DDX60: variants seen among roughly 807,000 people sequenced by gnomAD.
DDX60 encodes the protein probable ATP-dependent RNA helicase DDX60.
In DDX60, 165 loss-of-function variants were observed where a neutral mutation model predicts 212.8. That is an observed-to-expected ratio of 0.78 (90% CI 0.68 to 0.88). The LOEUF (loss-of-function observed/expected upper bound fraction) is 0.88. Among genes scored for constraint, DDX60 ranks in the 40% least tolerant of loss-of-function variants. The probability of loss-of-function intolerance (pLI) is 0.00; values close to 1 mark genes in which losing one functional copy is unlikely to be tolerated. For missense variants in DDX60, 1,905 were observed against 2,003.9 expected, an observed-to-expected ratio of 0.95 and a Z score of 0.94; for synonymous variants, 703 against 685.3, an observed-to-expected ratio of 1.03 and a Z score of -0.40.
chr4:168,263,557 T>C (rs1414901909), intron 22 of DDX60: 1 of 152,150 alleles, frequency 6.6e-6, no homozygotes, highest in African/African-American at 2.4e-5. Flanking sequence ...AATGTGATGG[T>C]ATCTGGAGGC....
chr4:168,304,022 T>C (rs114959529), intron 5 of DDX60, among the ~76,000 whole-genome samples: 1,765 of 152,296 alleles, frequency 0.012, 29 homozygotes, highest in African/African-American at 0.04. Flanking sequence ...TATACAATTA[T>C]GTACAGTATA....
rs1310157241 is a variant in DDX60, at chr4:168,302,519, T to C, written c.607-103A>G. On this transcript the variant is annotated intron_variant, in intron 5 of 37. Coordinates refer to ENST00000393743, the MANE Select transcript of DDX60 (RefSeq NM_017631.6). ...TTTTAGATATAATTATGTTACGATATATTTCTAAGGAAAAAAATATGCCAA... is the reference window on the plus strand; with the variant it reads ...TTTTAGATATAATTATGTTACGATACATTTCTAAGGAAAAAAATATGCCAA... 5 of 508,538 alleles carry C rather than the reference T, an allele frequency of 9.8e-6. No homozygotes were observed. In the Admixed American group the frequency reaches 1.3e-4, roughly 13 times the overall value. 31.5% of individuals were successfully genotyped at this position (508,538 alleles called of 1,614,324 possible).
Position 168,293,978 on chromosome 4 carries a change from T to A in DDX60, c.724-33A>T, listed in dbSNP as rs962687681. 3.2e-6 allele frequency: 5 copies of A among 1,580,504 alleles called. No individual in the cohort carries two copies. The African/African-American group carries it at 6.8e-5, about 22-fold the overall frequency. On this transcript the variant is annotated intron_variant, in intron 6 of 37. Coordinates refer to ENST00000393743, the MANE Select transcript of DDX60 (RefSeq NM_017631.6). ...AGAAAAAAATTGTAATGTGTCATGC[T>A]ATTTAGAAAAATATTTTTATTTGTA...
intron 12 of DDX60, 134 bp downstream of exon 12, chr4:168,284,686 C>T: frequency 2.1e-6 from 1 of 475,012 alleles, no homozygotes; most frequent in Non-Finnish European, 3.8e-6. Context: ...TTTCCCAATG[C>T]ACATCTAAAT....
intron 33 of DDX60, 109 bp from the exon 34 acceptor site, chr4:168,225,785 T>A (rs917320121): frequency 2.1e-6 from 2 of 930,308 alleles, no homozygotes; most frequent in African/African-American, 3.5e-5. Flanking sequence ...TATAGTTATC[T>A]ATTAATATTT....
intron 22 of DDX60, among the ~76,000 whole-genome samples, chr4:168,264,182 T>C (rs1298051275): frequency 6.6e-6 from 1 of 152,182 alleles, no homozygotes; most frequent in African/African-American, 2.4e-5. Context: ...TAAATGCTAG[T>C]TCCTCATCCA....
Position 168,306,461 on chromosome 4 carries a change from G to C in DDX60, c.524C>G (p.Ser175Cys). The change falls in exon 5 of 38, where the codon TCC (serine) becomes TGC (cysteine). Residue 175 changes from serine to cysteine, a missense_variant. By Grantham distance (112) the Ser-to-Cys change is moderately radical (BLOSUM62 -1). Coordinates refer to ENST00000393743, the MANE Select transcript of DDX60 (RefSeq NM_017631.6). ...SWARKVNVVL[S>C]SGQESDVLCL... Reference sequence around the variant, plus strand: ...AAGAACATCAGATTCTTGCCCTGAGGAAAGTACAACGTTGACCTTCCTTGC... The same window carrying C: ...AAGAACATCAGATTCTTGCCCTGAGCAAAGTACAACGTTGACCTTCCTTGC... 1 of 1,614,122 alleles carries C rather than the reference G, an allele frequency of 6.2e-7. No individual in the cohort carries two copies. The highest frequency in any genetic ancestry group is 8.5e-7 in the Non-Finnish European group (1 of 1,179,996).
At position 168,280,600 on chromosome 4, in the gene DDX60, AGG is replaced by A. The variant is rs1579043233; in HGVS notation, c.1723-12_1723-11del. On this transcript the variant is annotated splice_polypyrimidine_tract_variant and intron_variant, in intron 13 of 37. Coordinates refer to ENST00000393743, the MANE Select transcript of DDX60 (RefSeq NM_017631.6). ...TTTCAGCCTTGGTCTCCTGCCCCAA[AGG>A]AAAAAACATCTCTTAAGACAAGTTG... The A allele has an allele frequency of 6.3e-7, 1 of 1,597,140 alleles. No homozygotes were observed. The highest frequency in any genetic ancestry group is 1.8e-5 in the Admixed American group (1 of 56,412).
chr4:168,241,912 G>A (rs1044786672), intron 30 of DDX60, among the ~76,000 whole-genome samples: 9 of 151,728 alleles, frequency 5.9e-5, no homozygotes, highest in African/African-American at 2.2e-4. Flanking sequence ...AGAGATTTAG[G>A]AAAAAAAACT....
At chr4:168,276,978 T>C (rs1735368960) in intron 14 of DDX60, among the ~76,000 whole-genome samples, 1 of 152,126 alleles carries the variant, frequency 6.6e-6, no homozygotes, top group Admixed American at 6.5e-5. Flanking sequence ...GGTCAGGGTG[T>C]TGGAGAGAAC....
chr4:168,276,084 C>T lies in DDX60; in HGVS notation c.2076G>A (p.Arg692=). Residue 692 remains arginine (R), a synonymous_variant, in exon 15 of 38, where the codon CGG becomes CGA. Coordinates refer to ENST00000393743, the MANE Select transcript of DDX60 (RefSeq NM_017631.6). ...KYSELLQEDD[R]QLIARCLKYL... ...ACTTAAGGCATCTGGCTATGAGTTG[C>T]CGATCATCTTCTTGTAAAAGTTCTG... 1.9e-6 allele frequency: 3 copies of T among 1,613,694 alleles called. No individual in the cohort carries two copies. Among genetic ancestry groups the T allele is most frequent in the Non-Finnish European group, 8.5e-7 (1 of 1,179,784 alleles).
intron 37 of DDX60, among the ~76,000 whole-genome samples, chr4:168,219,828 G>A (rs1732986650): frequency 1.3e-5 from 2 of 152,052 alleles, no homozygotes; most frequent in African/African-American, 2.4e-5. Context: ...CCTGAGGTCA[G>A]GAGTTCGAGA....
intron 7 of DDX60, 149 bp downstream of exon 7, chr4:168,293,638 T>C (rs1736209781): frequency 1.4e-6 from 1 of 694,450 alleles, no homozygotes; most frequent in African/African-American, 1.8e-5. Flanking sequence ...TGTTTCCTGA[T>C]AGACACAAAT....
rs189851458 is a variant in DDX60, at chr4:168,222,009, G to A, written c.4825-128C>T. 3.0e-3 allele frequency: 2,994 copies of A among 989,326 alleles called. 9 individuals carry two copies. Among genetic ancestry groups the A allele is most frequent in the Non-Finnish European group, 3.8e-3 (2,626 of 689,508 alleles). 61.3% of individuals were successfully genotyped at this position (989,326 alleles called of 1,614,324 possible). On this transcript the variant is annotated intron_variant, in intron 35 of 37. Transcript: ENST00000393743. ...AAGCCCACTCTTCACTGTGAAGTAA[G>A]AGGGTGCCTTAGCCACACATTGTGG...
chr4:168,286,423 GAGATAGATAGAT>G lies in DDX60; in HGVS notation c.1339+613_1339+624del, dbSNP rs71977398. Among the ~76,000 whole-genome samples, 1,011 of 136,916 alleles carry G rather than the reference GAGATAGATAGAT, an allele frequency of 7.4e-3. 11 individuals carry two copies. Among genetic ancestry groups the G allele is most frequent in the African/African-American group, 0.026 (936 of 36,262 alleles). The allele number at this position is 136,916 out of a possible 152,430, so 89.8% of individuals were successfully genotyped here. On this transcript the variant is annotated intron_variant, in intron 10 of 37. Transcript: ENST00000393743. ...ACACACACACACACACACACCACAC[GAGATAGATAGAT>G]AGATAGATAGATAGATAGATATTAC...
At chr4:168,299,372 A>G (rs1263329777) in intron 6 of DDX60, among the ~76,000 whole-genome samples, 1 of 151,996 alleles carries the variant, frequency 6.6e-6, no homozygotes, top group Non-Finnish European at 1.5e-5. Context: ...TTTAACAATA[A>G]AAATAAACGA....
chr4:168,267,660 C>CTCT lies in DDX60; in HGVS notation c.2958_2960dup (p.Glu987dup), dbSNP rs1278277208. 2 of 1,604,086 alleles carry CTCT rather than the reference C, an allele frequency of 1.2e-6. No homozygotes were observed. The highest frequency in any genetic ancestry group is 2.3e-5 in the South Asian group (2 of 88,296). On this transcript the variant is annotated inframe_insertion, in exon 22 of 38. Coordinates refer to ENST00000393743, the MANE Select transcript of DDX60 (RefSeq NM_017631.6). ...CATGTTTTATTGAACATACATGCTTCTCTAGATCATTATACCTCTCTCCAT... is the reference window on the plus strand; with the variant it reads ...CATGTTTTATTGAACATACATGCTTCTCTTCTAGATCATTATACCTCTCTCCAT...
chr4:168,314,728 C>A (rs1446544055), intron 1 of DDX60, among the ~76,000 whole-genome samples: 1 of 152,134 alleles, frequency 6.6e-6, no homozygotes, highest in Non-Finnish European at 1.5e-5. Flanking sequence ...TCAATAAGCT[C>A]TTTCTCCCCC....
chr4:168,283,641 G>A (rs1466656005), intron 12 of DDX60, 35 bp from the exon 13 acceptor site: 5 of 1,521,564 alleles, frequency 3.3e-6, no homozygotes, highest in Non-Finnish European at 4.5e-6. Flanking sequence ...TAACTTTATT[G>A]TAGTTTTTCA....
Sources: allele counts gnomAD v4.1 joint callset (sites outside exome capture counted in the v4.1 genomes callset), GRCh38; gene constraint gnomAD v4.1.1; transcripts MANE v1.5; gene names NCBI Gene and HGNC (gene_info 2026-07-23, HGNC 2026-07-21).